Variants in DPYD observed in about 807,000 individuals in gnomAD.
DPYD encodes the protein dihydropyrimidine dehydrogenase, also known as dihydropyrimidine dehydrogenase [NADP(+)].
In DPYD, 109 loss-of-function variants were observed where a neutral mutation model predicts 116.2. The ratio of observed to expected loss-of-function variants is 0.94; its 90% confidence interval spans 0.80 to 1.10. DPYD has a LOEUF of 1.10. DPYD is among the 50% of genes least tolerant of loss of function. The pLI, the probability that DPYD is intolerant of heterozygous loss-of-function variation, is 0.00. For missense variants in DPYD, 1,302 were observed against 1,254.5 expected, an observed-to-expected ratio of 1.04 and a Z score of -0.57; for synonymous variants, 440 against 432.0, an observed-to-expected ratio of 1.02 and a Z score of -0.23.
At chr1:97,139,425 CATT>C (rs1381743238) in intron 20 of DPYD, among the ~76,000 whole-genome samples, 1 of 152,068 alleles carries the variant, frequency 6.6e-6, no homozygotes, top group Admixed American at 6.6e-5. Context: ...AAAATCAAAA[CATT>C]ATGAAAAACC....
At chr1:97,177,068 T>C (rs757939948) in intron 20 of DPYD, among the ~76,000 whole-genome samples, 12 of 152,166 alleles carry the variant, frequency 7.9e-5, no homozygotes, top group African/African-American at 1.4e-4. Context: ...TCATCCCCTG[T>C]TGTCTGTGTA....
At chr1:97,546,285 A>T (rs1227073988) in intron 12 of DPYD, 2 of 1,436,968 alleles carry the variant, frequency 1.4e-6, no homozygotes, top group Non-Finnish European at 1.9e-6. Flanking sequence ...AAAAAAAAAA[A>T]CCTGCACCTG....
rs1468130548 is a variant in DPYD, at chr1:97,905,076, GATAAA to G, written c.39+15803_39+15807del. Among the ~76,000 whole-genome samples the G allele has an allele frequency of 5.3e-5, 8 of 151,930 alleles. No homozygotes were observed. The East Asian group carries it at 9.7e-4, about 18-fold the overall frequency. On this transcript the variant is annotated intron_variant, in intron 1 of 22. Coordinates refer to ENST00000370192, the MANE Select transcript of DPYD (RefSeq NM_000110.4). ...TATGGAAGTATACTATTTTAGAATT[GATAAA>G]ATAAAGAATTTCATAGATTCTGGAT...
chr1:97,750,951 A>T (rs1306709794), intron 3 of DPYD, among the ~76,000 whole-genome samples: 1 of 152,138 alleles, frequency 6.6e-6, no homozygotes, highest in Non-Finnish European at 1.5e-5. Context: ...AAGCTACCAT[A>T]AAAAAGGGCT....
intron 12 of DPYD, among the ~76,000 whole-genome samples, chr1:97,522,560 A>G (rs550700633): frequency 6.6e-6 from 1 of 152,174 alleles, no homozygotes; most frequent in African/African-American, 2.4e-5. Context: ...TCTACTAAAA[A>G]TACAAAAAAT....
At chr1:97,530,828 A>C (rs1164454938) in intron 12 of DPYD, among the ~76,000 whole-genome samples, 1 of 152,132 alleles carries the variant, frequency 6.6e-6, no homozygotes, top group Non-Finnish European at 1.5e-5. Context: ...GTGTGAGGTA[A>C]TATCTCAATG....
At chr1:97,446,239 T>C (rs1676081540) in intron 14 of DPYD, among the ~76,000 whole-genome samples, 1 of 152,216 alleles carries the variant, frequency 6.6e-6, no homozygotes, top group African/African-American at 2.4e-5. Flanking sequence ...AATACATTAC[T>C]ATATCGTATA....
rs527260556 is a variant in DPYD at position 97,759,885 on chromosome 1, A to G, written c.234-19406T>C. ...ACTTACACAATAACCATATTATTGG[A>G]CAGCAAATACTTAAATATCCATTTA... is the stretch of plus-strand genomic sequence containing the variant. On this transcript the variant is annotated intron_variant, in intron 3 of 22. Coordinates refer to ENST00000370192, the MANE Select transcript of DPYD (RefSeq NM_000110.4). Among the ~76,000 whole-genome samples, 8 of 152,310 alleles carry G rather than the reference A, an allele frequency of 5.3e-5. No individual in the cohort carries two copies. The South Asian group carries it at 1.7e-3, about 32-fold the overall frequency.
chr1:97,212,984 G>A (rs548287354), intron 19 of DPYD, among the ~76,000 whole-genome samples: 1 of 152,224 alleles, frequency 6.6e-6, no homozygotes, highest in South Asian at 2.1e-4. Flanking sequence ...AGTTTTGGAG[G>A]CTAGGAAGAC....
chr1:97,134,816 G>GT (rs778036283), intron 20 of DPYD, among the ~76,000 whole-genome samples: 94 of 152,250 alleles, frequency 6.2e-4, no homozygotes, highest in Non-Finnish European at 1.2e-3. Context: ...TAATGATGAA[G>GT]TAAGTTAACG....
At chr1:97,235,057 T>C in intron 18 of DPYD, 63 bp from the exon 19 acceptor site, 2 of 1,587,168 alleles carry the variant, frequency 1.3e-6, no homozygotes, top group Non-Finnish European at 1.7e-6. Flanking sequence ...TGTCTTATAT[T>C]ACTTCTATTA....
intron 18 of DPYD, 97 bp from the exon 19 acceptor site, chr1:97,235,091 T>C: frequency 1.4e-6 from 2 of 1,440,610 alleles, no homozygotes; most frequent in Non-Finnish European, 1.9e-6. Context: ...ACAGCGTCAC[T>C]GGACAAATTT....
intron 2 of DPYD, among the ~76,000 whole-genome samples, chr1:97,852,523 G>A (rs1274556913): frequency 2.0e-5 from 3 of 152,100 alleles, no homozygotes; most frequent in African/African-American, 7.2e-5. Context: ...AATTCTTATT[G>A]TATTAATGAT....
chr1:97,082,805 T>C (rs1649254413), intron 21 of DPYD, among the ~76,000 whole-genome samples: 3 of 152,138 alleles, frequency 2.0e-5, no homozygotes, highest in Admixed American at 1.3e-4. Flanking sequence ...CTTTTTCTCA[T>C]TTTTGGACCT....
intron 6 of DPYD, among the ~76,000 whole-genome samples, chr1:97,693,590 G>C (rs1661147067): frequency 6.6e-6 from 1 of 152,122 alleles, no homozygotes; most frequent in Non-Finnish European, 1.5e-5. Flanking sequence ...GACACAAACA[G>C]ACACACAGAC....
intron 8 of DPYD, among the ~76,000 whole-genome samples, chr1:97,643,639 T>C (rs926101717): frequency 1.3e-4 from 20 of 152,198 alleles, no homozygotes; most frequent in Admixed American, 6.5e-5. Context: ...CACATGTATA[T>C]TTATTGTGGC....
At chr1:97,161,596 G>A (rs1238693119) in intron 20 of DPYD, among the ~76,000 whole-genome samples, 3 of 151,598 alleles carry the variant, frequency 2.0e-5, no homozygotes, top group East Asian at 1.9e-4. Context: ...TATACTTTAA[G>A]TTTTAGGGTA....
chr1:97,482,642 C>T (rs1213910819), intron 13 of DPYD, among the ~76,000 whole-genome samples: 1 of 152,102 alleles, frequency 6.6e-6, no homozygotes, highest in Non-Finnish European at 1.5e-5. Flanking sequence ...GAATCAAAGA[C>T]AGCAAATTTA....
In DPYD at chr1:97,615,212, G is replaced by A. The variant is rs1034856062; in HGVS notation, c.851-20046C>T. The stretch of plus-strand genomic sequence containing the variant: ...TTACTGAACATCTTCCACTGGTTGG[G>A]CTAGTAACACAACAAATTCAAGATG... On this transcript the variant is annotated intron_variant, in intron 8 of 22. Coordinates refer to ENST00000370192, the MANE Select transcript of DPYD (RefSeq NM_000110.4). Among the ~76,000 whole-genome samples, 3 of 152,026 alleles carry A rather than the reference G, an allele frequency of 2.0e-5. No individual in the cohort carries two copies. The East Asian group carries it at 5.8e-4, about 29-fold the overall frequency.
Sources: gnomAD v4.1 joint callset for allele counts (sites outside exome capture counted in the v4.1 genomes callset) on GRCh38, gnomAD v4.1.1 for gene constraint, MANE v1.5 for transcripts, NCBI Gene and HGNC (gene_info 2026-07-23, HGNC 2026-07-21) for gene names.